Variants in LYSMD2 observed in about 807,000 individuals in gnomAD.
LYSMD2 encodes lysM and putative peptidoglycan-binding domain-containing protein 2.
LYSMD2 carries 6 observed loss-of-function variants against 17.7 expected under a neutral mutation model. The observed-to-expected ratio is 0.34, with a 90% CI of 0.19 to 0.67. LYSMD2 has a LOEUF of 0.67. LYSMD2 is among the 30% of genes least tolerant of loss of function. The pLI is 0.69. For missense variants in LYSMD2, 237 were observed against 286.7 expected, an observed-to-expected ratio of 0.83 and a Z score of 1.25; for synonymous variants, 102 against 129.8, an observed-to-expected ratio of 0.79 and a Z score of 1.45.
chr15:51,745,743 AT>A (rs1330793187), intron 1 of LYSMD2, among the ~76,000 whole-genome samples: 1 of 152,234 alleles, frequency 6.6e-6, no homozygotes, highest in East Asian at 1.9e-4. Context: ...AAGAACTTTT[AT>A]AAATCAATAG....
At chr15:51,740,265 GT>G (rs1051692890), upstream of LYSMD2, among the ~76,000 whole-genome samples, 1 of 151,886 alleles carries the variant, frequency 6.6e-6, no homozygotes, top group Non-Finnish European at 1.5e-5. Flanking sequence ...GGCCAGGCCT[GT>G]TTTTTTGTTT....
intron 1 of LYSMD2, among the ~76,000 whole-genome samples, chr15:51,734,000 T>C (rs929605091): frequency 6.6e-6 from 1 of 152,076 alleles, no homozygotes; most frequent in African/African-American, 2.4e-5. Context: ...CCGGCCAACA[T>C]AGTGAAACCC....
upstream of LYSMD2, among the ~76,000 whole-genome samples, chr15:51,739,862 C>G (rs2055634359): frequency 6.6e-6 from 1 of 152,164 alleles, no homozygotes; most frequent in Non-Finnish European, 1.5e-5. Context: ...AGTAGGTGAT[C>G]TCTGCAGTAA....
Position 51,723,366 on chromosome 15 carries a change from TA to T in LYSMD2, c.*240del, listed in dbSNP as rs1182771842. On this transcript the variant is annotated 3_prime_UTR_variant, in exon 3 of 3. Coordinates refer to ENST00000267838, the MANE Select transcript of LYSMD2 (RefSeq NM_153374.3). ...AGCTAGTCTAAAAACTAACACCACC[TA>T]CAAAAGTGATGAGCTTTAGGCTACA... The T allele has an allele frequency of 2.6e-6, 1 of 388,582 alleles. No homozygotes were observed. Among genetic ancestry groups the T allele is most frequent in the African/African-American group, 2.1e-5 (1 of 47,402 alleles). The allele number at this position is 388,582 out of a possible 1,614,324, so 24.1% of individuals were successfully genotyped here.
Position 51,737,257 on chromosome 15 carries a change from C to CCCCAG in LYSMD2, c.273+92_273+93insCTGGG. On this transcript the variant is annotated intron_variant, in intron 1 of 2. Transcript: ENST00000267838. This position sits in a 1 kb window ranked among gnomAD's most constrained non-coding sequence, Gnocchi z 4.2. The stretch of plus-strand genomic sequence containing the variant: ...ACTCCCCATCCCCCAAACCCCCACC[C>CCCCAG]GCAGTCCCACCCCCACCCCCACCGC... 1 of 335,084 alleles carries CCCCAG rather than the reference C, an allele frequency of 3.0e-6. No individual in the cohort carries two copies. The highest frequency in any genetic ancestry group is 4.8e-6 in the Non-Finnish European group (1 of 209,138). 20.8% of individuals were successfully genotyped at this position (335,084 alleles called of 1,614,324 possible). A position where few individuals can be genotyped will look rare whatever the true frequency, so the allele number is the denominator to read the frequency against.
chr15:51,738,931 ATACTC>A (rs780589031), upstream of LYSMD2, among the ~76,000 whole-genome samples: 7 of 152,186 alleles, frequency 4.6e-5, no homozygotes, highest in Non-Finnish European at 1.0e-4. Context: ...CTCATTCTGT[ATACTC>A]TACATATTCC....
intron 1 of LYSMD2, among the ~76,000 whole-genome samples, chr15:51,747,267 G>C (rs1051408317): frequency 6.6e-6 from 1 of 150,756 alleles, no homozygotes; most frequent in African/African-American, 2.4e-5. Context: ...TGAGGCAGGC[G>C]GATCACTTGA....
At chr15:51,731,223 T>C (rs969242309) in intron 1 of LYSMD2, among the ~76,000 whole-genome samples, 1 of 152,202 alleles carries the variant, frequency 6.6e-6, no homozygotes, top group Non-Finnish European at 1.5e-5. Context: ...TGGGTGAATT[T>C]TGTGGTGTAC....
rs780654265 is a variant in LYSMD2 at position 51,723,588 on chromosome 15, A to T, written c.*19T>A. 8.8e-6 allele frequency: 14 copies of T among 1,596,686 alleles called. No homozygotes were observed. The Admixed American group carries it at 2.2e-4, about 25-fold the overall frequency. Reference sequence around the variant, plus strand: ...CCAAACATATCTTAATTTTGGTTAGAGTTATGCCCCCAAATCACCTAACTG... The same window carrying T: ...CCAAACATATCTTAATTTTGGTTAGTGTTATGCCCCCAAATCACCTAACTG... On this transcript the variant is annotated 3_prime_UTR_variant, in exon 3 of 3. Transcript: ENST00000267838.
intron 1 of LYSMD2, among the ~76,000 whole-genome samples, chr15:51,727,803 T>C (rs1030506028): frequency 2.6e-5 from 4 of 152,214 alleles, no homozygotes; most frequent in African/African-American, 9.7e-5. Context: ...TTCATCTCAA[T>C]GTCATTAGTA....
At chr15:51,737,783 T>C (rs2055622150), upstream of LYSMD2, 3 of 471,952 alleles carry the variant, frequency 6.4e-6, no homozygotes, top group Non-Finnish European at 6.5e-6. This position sits in a 1 kb window ranked among gnomAD's most constrained non-coding sequence, Gnocchi z 4.2. Context: ...AGGCCGGGCA[T>C]GGCGGGCGCC....
At chr15:51,738,269 G>C (rs2055625897), upstream of LYSMD2, 1 of 152,060 alleles carries the variant, frequency 6.6e-6, no homozygotes, top group African/African-American at 2.4e-5. Flanking sequence ...CACTAGGAGG[G>C]ATAGTGCTTC....
At chr15:51,727,309 C>T (rs1252689882) in intron 1 of LYSMD2, among the ~76,000 whole-genome samples, 1 of 152,198 alleles carries the variant, frequency 6.6e-6, no homozygotes, top group Non-Finnish European at 1.5e-5. Context: ...CAAACAGCAG[C>T]AGAACGACCT....
intron 1 of LYSMD2, among the ~76,000 whole-genome samples, chr15:51,731,828 G>T (rs139723643): frequency 2.2e-4 from 33 of 152,142 alleles, no homozygotes; most frequent in Non-Finnish European, 3.8e-4. Context: ...ACTGAGAGGA[G>T]CCAGGATCAC....
chr15:51,730,952 G>A (rs1285019397), intron 1 of LYSMD2, among the ~76,000 whole-genome samples: 1 of 152,142 alleles, frequency 6.6e-6, no homozygotes, highest in Non-Finnish European at 1.5e-5. Flanking sequence ...ATGTGTTCAT[G>A]AGAAAAAGGC....
intron 1 of LYSMD2, among the ~76,000 whole-genome samples, chr15:51,746,712 A>G (rs937355883): frequency 9.2e-5 from 14 of 152,082 alleles, no homozygotes; most frequent in African/African-American, 3.4e-4. Context: ...CTCATGGCCA[A>G]TCATTTCATC....
chr15:51,731,563 G>C (rs892651261), intron 1 of LYSMD2, among the ~76,000 whole-genome samples: 7 of 152,208 alleles, frequency 4.6e-5, no homozygotes, highest in South Asian at 2.1e-4. Context: ...AAAATCCTGG[G>C]AATAAAACTG....
At chr15:51,740,493 G>A (rs1164343395), upstream of LYSMD2, among the ~76,000 whole-genome samples, 1 of 152,192 alleles carries the variant, frequency 6.6e-6, no homozygotes, top group Non-Finnish European at 1.5e-5. Context: ...TGTTTTGAAG[G>A]TCTTTGCCAA....
intron 1 of LYSMD2, among the ~76,000 whole-genome samples, chr15:51,734,578 T>C (rs2055596944): frequency 6.6e-6 from 1 of 152,184 alleles, no homozygotes; most frequent in Admixed American, 6.5e-5. Flanking sequence ...GGAGTTGCCA[T>C]GGAGAGACAG....
Sources: allele counts gnomAD v4.1 joint callset (sites outside exome capture counted in the v4.1 genomes callset), GRCh38; gene constraint gnomAD v4.1.1; non-coding constraint Gnocchi (gnomAD v3.1); transcripts MANE v1.5; gene names NCBI Gene and HGNC (gene_info 2026-07-23, HGNC 2026-07-21).